Variants in MECOM observed in about 807,000 individuals in gnomAD.
The protein encoded by MECOM is MDS1 and EVI1 complex locus.
A neutral mutation model predicts 116.3 loss-of-function variants in MECOM; 13 were observed. The observed-to-expected ratio is 0.11, with a 90% CI of 0.07 to 0.18. MECOM has a LOEUF of 0.18. MECOM is among the 10% of genes least tolerant of loss of function. The pLI is 1.00. For missense variants in MECOM, 1,299 were observed against 1,509.0 expected, an observed-to-expected ratio of 0.86 and a Z score of 2.31; for synonymous variants, 528 against 535.2, an observed-to-expected ratio of 0.99 and a Z score of 0.19.
chr3:169,208,018 A>G (rs188005019), intron 2 of MECOM, among the ~76,000 whole-genome samples: 8 of 152,162 alleles, frequency 5.3e-5, no homozygotes, highest in Admixed American at 4.6e-4. Context: ...AAACCCTATA[A>G]CAAGATAGAA....
At chr3:169,246,961 T>C (rs1436277390) in intron 2 of MECOM, among the ~76,000 whole-genome samples, 1 of 152,230 alleles carries the variant, frequency 6.6e-6, no homozygotes, top group Non-Finnish European at 1.5e-5. Flanking sequence ...CTATGAATAA[T>C]ATTATGAAAC....
intron 10 of MECOM, among the ~76,000 whole-genome samples, chr3:169,102,918 T>C (rs1358999108): frequency 2.0e-5 from 3 of 152,100 alleles, no homozygotes; most frequent in South Asian, 2.1e-4. Flanking sequence ...ATAACATAAC[T>C]TGGCATGTGC....
At chr3:169,459,328 T>C (rs912948720) in intron 1 of MECOM, among the ~76,000 whole-genome samples, 1 of 152,190 alleles carries the variant, frequency 6.6e-6, no homozygotes, top group Non-Finnish European at 1.5e-5. Context: ...CTATAAGCAA[T>C]ATTATTTACC....
chr3:169,258,091 G>A (rs1031574774), intron 2 of MECOM, among the ~76,000 whole-genome samples: 3 of 152,062 alleles, frequency 2.0e-5, no homozygotes, highest in East Asian at 1.9e-4. Context: ...CTGGTGGTGC[G>A]CTCCTGTAAT....
intron 1 of MECOM, among the ~76,000 whole-genome samples, chr3:169,485,946 T>TATATATAGTATACATATGTCC (rs1560340466): frequency 1.2e-5 from 1 of 86,790 alleles, no homozygotes; most frequent in African/African-American, 4.9e-5. Flanking sequence ...TATATGTATG[T>TATATATAGTATACATATGTCC]ATATATGTAC....
chr3:169,448,052 T>TGA (rs1343037148), intron 1 of MECOM: 1 of 152,190 alleles, frequency 6.6e-6, no homozygotes. Context: ...CTGCTATGGA[T>TGA]GAGAGCTAGG....
chr3:169,208,924 C>T (rs1750329229), intron 2 of MECOM, among the ~76,000 whole-genome samples: 1 of 149,374 alleles, frequency 6.7e-6, no homozygotes, highest in Admixed American at 6.7e-5. Flanking sequence ...CTGGAGATGT[C>T]ACATTGCTTG....
intron 7 of MECOM, among the ~76,000 whole-genome samples, chr3:169,118,365 C>A (rs550174831): frequency 6.6e-6 from 1 of 152,232 alleles, no homozygotes; most frequent in Non-Finnish European, 1.5e-5. Context: ...TGGGTGATAT[C>A]TTTTCAAATT....
At chr3:169,384,924 G>A (rs1322175247) in intron 1 of MECOM, among the ~76,000 whole-genome samples, 3 of 151,896 alleles carry the variant, frequency 2.0e-5, no homozygotes, top group South Asian at 2.1e-4. Flanking sequence ...GCAACATGAC[G>A]AAACCCCATC....
chr3:169,106,004 T>G (rs944030745), intron 10 of MECOM, among the ~76,000 whole-genome samples: 19 of 152,178 alleles, frequency 1.2e-4, no homozygotes, highest in African/African-American at 4.6e-4. Flanking sequence ...ATTAAAACTA[T>G]TAAAGTGACA....
intron 2 of MECOM, among the ~76,000 whole-genome samples, chr3:169,329,863 C>T (rs1046948708): frequency 1.3e-5 from 2 of 152,124 alleles, no homozygotes; most frequent in African/African-American, 4.8e-5. Context: ...AGTGTGTCGA[C>T]CTATAAGAAC....
intron 2 of MECOM, among the ~76,000 whole-genome samples, chr3:169,281,514 A>G (rs1369223482): frequency 1.3e-5 from 2 of 152,152 alleles, no homozygotes; most frequent in African/African-American, 4.8e-5. Flanking sequence ...TTTATTTGCA[A>G]AAGACTTCAT....
chr3:169,624,956 A>G (rs150905413), intron 1 of MECOM, among the ~76,000 whole-genome samples: 1 of 152,122 alleles, frequency 6.6e-6, no homozygotes, highest in African/African-American at 2.4e-5. Context: ...TTTCTCATCA[A>G]GATTGAAATC....
intron 1 of MECOM, among the ~76,000 whole-genome samples, chr3:169,610,381 A>G (rs1769097505): frequency 6.6e-6 from 1 of 152,194 alleles, no homozygotes; most frequent in South Asian, 2.1e-4. Context: ...GGATGATAAT[A>G]GCAAATAATA....
At chr3:169,525,183 A>G (rs1467200672) in intron 1 of MECOM, among the ~76,000 whole-genome samples, 1 of 152,348 alleles carries the variant, frequency 6.6e-6, no homozygotes, top group South Asian at 2.1e-4. Flanking sequence ...ATAATTGCCT[A>G]TGAAAACTGC....
chr3:169,362,299 G>C (rs916740643), intron 2 of MECOM, among the ~76,000 whole-genome samples: 1 of 151,868 alleles, frequency 6.6e-6, no homozygotes, highest in African/African-American at 2.4e-5. Context: ...AAGAACTAAA[G>C]AGCAGGTGTA....
intron 1 of MECOM, among the ~76,000 whole-genome samples, chr3:169,630,925 C>A (rs1772005031): frequency 6.6e-6 from 1 of 152,230 alleles, no homozygotes; most frequent in Admixed American, 6.5e-5. Flanking sequence ...TGCCCAGCCC[C>A]AAATTCATTC....
chr3:169,085,531 T>TC (rs1294545849), intron 16 of MECOM, among the ~76,000 whole-genome samples: 1 of 152,192 alleles, frequency 6.6e-6, no homozygotes, highest in African/African-American at 2.4e-5. Flanking sequence ...CCAAAGTCAC[T>TC]CAATTAGATA....
At chr3:169,237,044 C>A (rs1018611446) in intron 2 of MECOM, among the ~76,000 whole-genome samples, 1 of 152,134 alleles carries the variant, frequency 6.6e-6, no homozygotes, top group East Asian at 1.9e-4. Flanking sequence ...AATCGAGAAA[C>A]AAATAAACAA....
Sources: gnomAD v4.1 joint callset for allele counts (sites outside exome capture counted in the v4.1 genomes callset) on GRCh38, gnomAD v4.1.1 for gene constraint, MANE v1.5 for transcripts, NCBI Gene and HGNC (gene_info 2026-07-23, HGNC 2026-07-21) for gene names.